Variants in LRRC7 observed in about 807,000 individuals in gnomAD.
LRRC7 encodes leucine-rich repeat-containing protein 7.
Under a neutral mutation model 175.7 loss-of-function variants are expected in LRRC7, and 23 were observed. The ratio of observed to expected loss-of-function variants is 0.13; its 90% CI spans 0.09 to 0.19. The LOEUF (loss-of-function observed/expected upper bound fraction) is 0.19. Among genes scored for constraint, LRRC7 ranks in the 10% least tolerant of loss-of-function variants. LRRC7 has a pLI of 1.00. For synonymous variants in LRRC7, 685 were observed against 680.9 expected, an observed-to-expected ratio of 1.01 and a Z score of -0.09; for missense variants, 1,354 against 1,904.7, an observed-to-expected ratio of 0.71 and a Z score of 5.38.
intron 8 of LRRC7, among the ~76,000 whole-genome samples, chr1:69,934,842 C>T (rs900136178): frequency 1.3e-5 from 2 of 152,108 alleles, no homozygotes; most frequent in African/African-American, 2.4e-5. Flanking sequence ...ACCCAGCTTC[C>T]AGCTGCAAGC....
intron 24 of LRRC7, among the ~76,000 whole-genome samples, chr1:70,086,068 T>G (rs1194067702): frequency 6.6e-6 from 1 of 152,144 alleles, no homozygotes; most frequent in African/African-American, 2.4e-5. Context: ...AGTCATCGTA[T>G]ACTTTTTATT....
intron 2 of LRRC7, among the ~76,000 whole-genome samples, chr1:69,718,474 T>C (rs531254571): frequency 1.3e-5 from 2 of 151,774 alleles, no homozygotes; most frequent in African/African-American, 4.8e-5. Context: ...CATTCGTATG[T>C]CTCCTGCATG....
At position 70,039,497 on chromosome 1, in the gene LRRC7, G is replaced by C; in HGVS notation, c.3673G>C (p.Gly1225Arg). 1 of 1,614,148 alleles carries C rather than the reference G, an allele frequency of 6.2e-7. No individual in the cohort carries two copies. The highest frequency in any genetic ancestry group is 8.5e-7 in the Non-Finnish European group (1 of 1,180,020). The change falls in exon 21 of 27, where the codon GGA (glycine) becomes CGA (arginine). Residue 1225 changes from glycine (G) to arginine (R), a missense_variant. Physicochemically the swap from Gly to Arg is moderately radical, Grantham distance 125 (BLOSUM62 -2). Around this residue, in one of 4 missense-constraint regions of LRRC7, gnomAD observed 1,032 missense variants for 1,227.2 expected, o/e 0.84. Transcript: ENST00000651989. ...PSYQEVKAQA[G>R]SFPVKNLTQR... ...ATATCAAGAAGTGAAAGCTCAGGCG[G>C]GAAGTTTTCCGGTTAAAAACCTTAC...
In LRRC7 at chr1:70,136,721, CTTTTT is replaced by C. The variant is rs1204650835; in HGVS notation, c.*14854_*14858del. Among the ~76,000 whole-genome samples the C allele has an allele frequency of 2.3e-4, 23 of 98,352 alleles. No individual in the cohort carries two copies. Among genetic ancestry groups the C allele is most frequent in the Non-Finnish European group, 3.4e-4 (17 of 50,374 alleles). 64.5% of individuals were successfully genotyped at this position (98,352 alleles called of 152,430 possible). A position where few individuals can be genotyped will look rare whatever the true frequency, so the allele number is the denominator to read the frequency against. ...TTCTGCTTTATTGCTTTTTTAATGC[CTTTTT>C]TTTTTTTTTTTTTTTTTTTCTGAGA... is the stretch of plus-strand genomic sequence containing the variant. On this transcript the variant is annotated 3_prime_UTR_variant, in exon 27 of 27. Coordinates refer to ENST00000651989, the MANE Select transcript of LRRC7 (RefSeq NM_001370785.2).
At chr1:69,695,281 G>A (rs914163773) in intron 2 of LRRC7, among the ~76,000 whole-genome samples, 1 of 152,204 alleles carries the variant, frequency 6.6e-6, no homozygotes, top group African/African-American at 2.4e-5. Context: ...GAACTTATGA[G>A]TGATGACTTA....
At position 69,659,514 on chromosome 1, in the gene LRRC7, C is replaced by CA. The variant is rs561697511; in HGVS notation, c.3-18853dup. Among the ~76,000 whole-genome samples, 478 of 122,286 alleles carry CA rather than the reference C, an allele frequency of 3.9e-3. 1 individual carries two copies. Among genetic ancestry groups the CA allele is most frequent in the African/African-American group, 8.6e-3 (292 of 33,826 alleles). The allele number at this position is 122,286 out of a possible 152,430, so 80.2% of individuals were successfully genotyped here. On this transcript the variant is annotated intron_variant, in intron 1 of 26. Transcript: ENST00000651989. ...ACAAACAAGACCTTAAACAATCAGCCAAAAAAAAAAAAAAGATTACCTTTC... is the reference window on the plus strand; with the variant it reads ...ACAAACAAGACCTTAAACAATCAGCCAAAAAAAAAAAAAAAGATTACCTTTC...
At chr1:70,052,863 A>G (rs143724518) in intron 22 of LRRC7, among the ~76,000 whole-genome samples, 163 bp from the exon 23 acceptor site, 13 of 152,252 alleles carry the variant, frequency 8.5e-5, no homozygotes, top group Non-Finnish European at 1.2e-4. Context: ...TTCAATTTAC[A>G]GTTCTTACCC....
intron 18 of LRRC7, among the ~76,000 whole-genome samples, chr1:70,033,515 A>C (rs148232150): frequency 6.6e-6 from 1 of 152,262 alleles, no homozygotes; most frequent in Non-Finnish European, 1.5e-5. Flanking sequence ...AGATCAGTGC[A>C]AATTCATCAT....
intron 1 of LRRC7, among the ~76,000 whole-genome samples, chr1:69,661,331 TAA>T (rs1657446413): frequency 6.6e-6 from 1 of 152,128 alleles, no homozygotes; most frequent in Non-Finnish European, 1.5e-5. Flanking sequence ...CTTTCCCTAG[TAA>T]AAGATACAGC....
intron 1 of LRRC7, among the ~76,000 whole-genome samples, chr1:69,639,511 G>C (rs1056022432): frequency 6.6e-6 from 1 of 151,836 alleles, no homozygotes; most frequent in South Asian, 2.1e-4. Context: ...ACCCAAACAA[G>C]CTCTATGAAA....
intron 4 of LRRC7, among the ~76,000 whole-genome samples, chr1:69,802,362 G>C (rs1258969056): frequency 6.6e-6 from 1 of 151,138 alleles, no homozygotes; most frequent in Non-Finnish European, 1.5e-5. Context: ...TCTTTTTTAG[G>C]TCTAGTAATG....
At chr1:69,922,595 A>C (rs1238396873) in intron 7 of LRRC7, among the ~76,000 whole-genome samples, 1 of 152,192 alleles carries the variant, frequency 6.6e-6, no homozygotes. Context: ...TGGAATAAAT[A>C]ATTTTGAGTG....
intron 8 of LRRC7, among the ~76,000 whole-genome samples, chr1:69,937,915 G>A (rs1233395713): frequency 6.6e-6 from 1 of 151,696 alleles, no homozygotes; most frequent in Non-Finnish European, 1.5e-5. Flanking sequence ...CTCAGAACTT[G>A]GAGACTTGAT....
At chr1:70,020,717 ATT>A (rs1277200249) in intron 15 of LRRC7, 13 of 181,174 alleles carry the variant, frequency 7.2e-5, no homozygotes, top group Non-Finnish European at 1.5e-4. Flanking sequence ...AACTCTCTAT[ATT>A]ATTATTATTG....
rs375656006 is a variant in LRRC7, at chr1:69,940,724, A to C, written c.711+9154A>C. Among the ~76,000 whole-genome samples the C allele has an allele frequency of 9.9e-5, 15 of 152,246 alleles. 1 individual carries two copies. The East Asian group carries it at 2.1e-3, about 22-fold the overall frequency. ...TGATACCTATTCACAGCTCGAAAAC[A>C]TACTTGAGTTATGAATAGGAGTTGT... On this transcript the variant is annotated intron_variant, in intron 8 of 26. Transcript: ENST00000651989.
At chr1:69,833,916 A>G (rs1680825570) in intron 5 of LRRC7, among the ~76,000 whole-genome samples, 1 of 152,204 alleles carries the variant, frequency 6.6e-6, no homozygotes, top group South Asian at 2.1e-4. Context: ...TAATTTGAGG[A>G]GAAGGCAAAT....
chr1:70,103,267 G>GA (rs1304590735), intron 25 of LRRC7, among the ~76,000 whole-genome samples: 3 of 152,070 alleles, frequency 2.0e-5, no homozygotes, highest in African/African-American at 7.2e-5. Flanking sequence ...TCAGAACTGT[G>GA]AATATGTTAC....
At chr1:69,809,883 A>C (rs377051323) in intron 4 of LRRC7, among the ~76,000 whole-genome samples, 1 of 152,140 alleles carries the variant, frequency 6.6e-6, no homozygotes, top group East Asian at 1.9e-4. Flanking sequence ...GCCCTCTCTC[A>C]CCACTCCTAT....
At chr1:69,632,957 T>G (rs921852897) in intron 1 of LRRC7, among the ~76,000 whole-genome samples, 1 of 152,136 alleles carries the variant, frequency 6.6e-6, no homozygotes, top group South Asian at 2.1e-4. Flanking sequence ...CTTTCCTTTT[T>G]GCTTTGTATT....
Sources: allele counts gnomAD v4.1 joint callset (sites outside exome capture counted in the v4.1 genomes callset), GRCh38; gene constraint gnomAD v4.1.1; regional missense constraint gnomAD v4.1.1; transcripts MANE v1.5; gene names NCBI Gene and HGNC (gene_info 2026-07-23, HGNC 2026-07-21).